Variants in RNF20 observed in about 807,000 individuals in gnomAD.
RNF20 encodes E3 ubiquitin-protein ligase BRE1A.
A neutral mutation model predicts 126.2 loss-of-function variants in RNF20; 84 were observed. The ratio of observed to expected loss-of-function variants is 0.67; its 90% CI spans 0.56 to 0.80. RNF20 has a LOEUF of 0.80. Ranked by LOEUF, RNF20 falls within the 30% of genes least tolerant of loss-of-function variation. RNF20 has a pLI of 0.00. For synonymous variants in RNF20, 400 were observed against 414.3 expected, an observed-to-expected ratio of 0.97 and a Z score of 0.42; for missense variants, 869 against 1,188.2, an observed-to-expected ratio of 0.73 and a Z score of 3.95.
chr9:101,557,608 G>A lies in RNF20; in HGVS notation c.2382+12G>A, dbSNP rs1049482919. 1.3e-6 allele frequency: 2 copies of A among 1,586,508 alleles called. No individual in the cohort carries two copies. The highest frequency in any genetic ancestry group is 1.7e-5 in the Admixed American group (1 of 59,920). ...CTCTGAAGACTCAGGTAATTAGGAT[G>A]AGTAGAGCTTTCTATTCTGTTGAAA... On this transcript the variant is annotated intron_variant, in intron 16 of 19. Coordinates refer to ENST00000389120, the MANE Select transcript of RNF20 (RefSeq NM_019592.7).
Position 101,546,757 on chromosome 9 carries a change from TA to T in RNF20, c.748-61del, listed in dbSNP as rs574192029. On this transcript the variant is annotated intron_variant, in intron 6 of 19. Coordinates refer to ENST00000389120, the MANE Select transcript of RNF20 (RefSeq NM_019592.7). ...TCTATAATTACTCATAAGCAAGGGT[TA>T]ATATTATGGAATTTGGTCTTTTTTT... 6,955 of 1,560,662 alleles carry T rather than the reference TA, an allele frequency of 4.5e-3. 18 individuals carry two copies. The highest frequency in any genetic ancestry group is 5.2e-3 in the Non-Finnish European group (5,896 of 1,133,046).
At chr9:101,542,887 A>G (rs1827280738) in intron 5 of RNF20, among the ~76,000 whole-genome samples, 1 of 152,218 alleles carries the variant, frequency 6.6e-6, no homozygotes, top group Non-Finnish European at 1.5e-5. Flanking sequence ...GGCAATTGCC[A>G]TTGGTAAGCT....
At chr9:101,552,896 C>T (rs573971093) in intron 13 of RNF20, 143 bp downstream of exon 13, 1 of 863,206 alleles carries the variant, frequency 1.2e-6, no homozygotes, top group Non-Finnish European at 1.7e-6. Context: ...AAGTCGTGTT[C>T]AAGTGCACAG....
Position 101,549,320 on chromosome 9 carries a change from C to T in RNF20, c.1093-1286C>T, listed in dbSNP as rs369180405. Among the ~76,000 whole-genome samples the T allele has an allele frequency of 1.9e-4, 29 of 152,244 alleles. No individual in the cohort carries two copies. In the East Asian group the frequency reaches 3.3e-3, roughly 17 times the overall value. ...AGGGGGCCCTTCCCTGCCTGGCAGC[C>T]GAGGCATAGAGAGAGAGGAGACAGA... On this transcript the variant is annotated intron_variant, in intron 9 of 19. Transcript: ENST00000389120.
At position 101,544,895 on chromosome 9, in the gene RNF20, C is replaced by T; in HGVS notation, c.747+10C>T. On this transcript the variant is annotated intron_variant, in intron 6 of 19. Coordinates refer to ENST00000389120, the MANE Select transcript of RNF20 (RefSeq NM_019592.7). ...CACCATGTCTCAGGAGGTACTTAAC[C>T]AAAAAGGAGAGATGGCTGTGTCTAG... is the stretch of plus-strand genomic sequence containing the variant. The T allele has an allele frequency of 3.3e-6, 5 of 1,528,324 alleles. No individual in the cohort carries two copies. Among genetic ancestry groups the T allele is most frequent in the Non-Finnish European group, 4.5e-6 (5 of 1,102,374 alleles). 94.7% of individuals were successfully genotyped at this position (1,528,324 alleles called of 1,614,324 possible).
At chr9:101,538,550 G>C (rs79232244) in intron 2 of RNF20, among the ~76,000 whole-genome samples, 6,356 of 152,220 alleles carry the variant, frequency 0.042, 185 homozygotes, top group South Asian at 0.078. Flanking sequence ...TGGCTTCAAG[G>C]GGTGTGGAAG....
At chr9:101,553,057 C>T (rs1365238226) in intron 13 of RNF20, among the ~76,000 whole-genome samples, 1 of 152,190 alleles carries the variant, frequency 6.6e-6, no homozygotes, top group African/African-American at 2.4e-5. Context: ...GAATTAACTA[C>T]TGCTCTTCAC....
chr9:101,549,116 G>T (rs1197362317), intron 9 of RNF20, among the ~76,000 whole-genome samples: 2 of 152,186 alleles, frequency 1.3e-5, no homozygotes, highest in Non-Finnish European at 2.9e-5. Flanking sequence ...AAGACAAAGA[G>T]ATAAAAGAAA....
chr9:101,557,369 T>G lies in RNF20; in HGVS notation c.2170-15T>G. ...AAGATTCTTCTAAAATCAAATCTCT[T>G]CCTTCATCCTTTAGGAAGAAGAAGC... On this transcript the variant is annotated splice_polypyrimidine_tract_variant and intron_variant, in intron 15 of 19. Coordinates refer to ENST00000389120, the MANE Select transcript of RNF20 (RefSeq NM_019592.7). The G allele has an allele frequency of 6.3e-7, 1 of 1,596,202 alleles. No homozygotes were observed. Among genetic ancestry groups the G allele is most frequent in the Non-Finnish European group, 8.6e-7 (1 of 1,164,622 alleles).
intron 16 of RNF20, among the ~76,000 whole-genome samples, chr9:101,559,671 A>G (rs1223368352): frequency 6.6e-6 from 1 of 152,002 alleles, no homozygotes; most frequent in East Asian, 1.9e-4. Context: ...GCTGTTGTCA[A>G]AGGGTTTGAG....
At chr9:101,555,401 C>G (rs1827517146) in intron 15 of RNF20, among the ~76,000 whole-genome samples, 1 of 151,798 alleles carries the variant, frequency 6.6e-6, no homozygotes, top group South Asian at 2.1e-4. Context: ...GGTCATAGAA[C>G]TATAGAGATT....
chr9:101,540,109 A>T, intron 2 of RNF20, 94 bp from the exon 3 acceptor site: 1 of 1,199,600 alleles, frequency 8.3e-7, no homozygotes. Flanking sequence ...TTATTCATAG[A>T]AAATAACTAA....
intron 2 of RNF20, among the ~76,000 whole-genome samples, chr9:101,536,770 C>T (rs1827191434): frequency 6.6e-6 from 1 of 152,170 alleles, no homozygotes; most frequent in Admixed American, 6.5e-5. Flanking sequence ...ACATAGCACA[C>T]ACCCCAGTGT....
At chr9:101,557,679 T>C in intron 16 of RNF20, 83 bp downstream of exon 16, 1 of 1,107,182 alleles carries the variant, frequency 9.0e-7, no homozygotes, top group African/African-American at 1.6e-5. Context: ...ATGATTATTG[T>C]GGCACATTTT....
chr9:101,545,564 C>A (rs1047171519), intron 6 of RNF20, among the ~76,000 whole-genome samples: 7 of 152,172 alleles, frequency 4.6e-5, no homozygotes, highest in African/African-American at 1.7e-4. Flanking sequence ...TGTTTGACTT[C>A]AAAGCTCTTG....
chr9:101,561,332 A>G (rs1407520587), intron 18 of RNF20, 102 bp downstream of exon 18: 50 of 1,253,502 alleles, frequency 4.0e-5, no homozygotes, highest in Middle Eastern at 2.1e-4. Context: ...GTCATTTCCT[A>G]CTAGACTTGA....
At chr9:101,548,229 AGCACGGAAAG>A (rs1827383576) in intron 9 of RNF20, among the ~76,000 whole-genome samples, 1 of 152,196 alleles carries the variant, frequency 6.6e-6, no homozygotes, top group African/African-American at 2.4e-5. Context: ...AAATAAACCA[AGCACGGAAAG>A]GCAAATACTG....
At chr9:101,537,140 C>T (rs1564106054) in intron 2 of RNF20, among the ~76,000 whole-genome samples, 1 of 152,186 alleles carries the variant, frequency 6.6e-6, no homozygotes, top group Non-Finnish European at 1.5e-5. Context: ...TGGAGCTGTC[C>T]ACCACAGCTG....
At chr9:101,549,103 C>T (rs1359061442) in intron 9 of RNF20, among the ~76,000 whole-genome samples, 2 of 152,204 alleles carry the variant, frequency 1.3e-5, no homozygotes, top group African/African-American at 4.8e-5. Context: ...GAAATAAAGA[C>T]ACAAGACAAA....
Sources: allele counts gnomAD v4.1 joint callset (sites outside exome capture counted in the v4.1 genomes callset), GRCh38; gene constraint gnomAD v4.1.1; transcripts MANE v1.5; gene names NCBI Gene and HGNC (gene_info 2026-07-23, HGNC 2026-07-21).